Variants in NFATC2 observed in about 807,000 individuals in gnomAD.
The protein encoded by NFATC2 is nuclear factor of activated T-cells, cytoplasmic 2.
A neutral mutation model predicts 87.3 loss-of-function variants in NFATC2; 22 were observed. The ratio of observed to expected loss-of-function variants is 0.25; its 90% CI spans 0.18 to 0.36. The LOEUF (loss-of-function observed/expected upper bound fraction) is 0.36, where lower values mean the gene tolerates loss of function less well. Ranked by LOEUF, NFATC2 falls within the 10% of genes least tolerant of loss-of-function variation. NFATC2 has a pLI of 1.00. For missense variants in NFATC2, 1,149 were observed against 1,259.1 expected (o/e 0.91, Z 1.32); for synonymous variants, 565 against 542.2 (o/e 1.04, Z -0.58).
upstream of NFATC2, chr20:51,562,676 T>G: frequency 6.6e-7 from 1 of 1,522,476 alleles, no homozygotes; most frequent in Non-Finnish European, 8.9e-7. This position sits in a 1 kb window ranked among gnomAD's most constrained non-coding sequence, Gnocchi z 5.8. Flanking sequence ...GGGGATCTGT[T>G]TGTATCGACC....
chr20:51,424,134 C>T (rs193078108), intron 9 of NFATC2, among the ~76,000 whole-genome samples: 1 of 152,332 alleles, frequency 6.6e-6, no homozygotes, highest in Admixed American at 6.5e-5. Context: ...GGACAGAGAA[C>T]GGCTACCAGC....
At chr20:51,488,310 A>G (rs772069877) in intron 3 of NFATC2, among the ~76,000 whole-genome samples, 11 of 152,202 alleles carry the variant, frequency 7.2e-5, no homozygotes, top group Non-Finnish European at 1.5e-4. Context: ...AGAATTTAAG[A>G]CATTGGAGTA....
upstream of NFATC2, chr20:51,542,851 C>T: frequency 2.1e-6 from 1 of 470,714 alleles, no homozygotes; most frequent in Non-Finnish European, 2.8e-6. Flanking sequence ...CCTGGGCTGG[C>T]CGGTGCCGGG....
intron 9 of NFATC2, among the ~76,000 whole-genome samples, chr20:51,401,720 C>G (rs1988066730): frequency 6.6e-6 from 1 of 151,982 alleles, no homozygotes; most frequent in Non-Finnish European, 1.5e-5. Flanking sequence ...AGTGGCCTTG[C>G]ATTTTTACCC....
At chr20:51,443,130 C>T (rs996454469) in intron 6 of NFATC2, among the ~76,000 whole-genome samples, 1 of 151,538 alleles carries the variant, frequency 6.6e-6, no homozygotes, top group Admixed American at 6.6e-5. Context: ...TCTTCTGTGA[C>T]CATCCCCTTC....
chr20:51,540,663 T>TTTTTTTTTTTTTTTTTTTTTG (rs1555818354), intron 1 of NFATC2, among the ~76,000 whole-genome samples: 2 of 135,690 alleles, frequency 1.5e-5, no homozygotes, highest in African/African-American at 5.7e-5. Context: ...TTTTTGTTTT[T>TTTTTTTTTTTTTTTTTTTTTG]TTTTTTTTGA....
upstream of NFATC2, chr20:51,562,719 G>C: frequency 7.6e-7 from 1 of 1,321,482 alleles, no homozygotes; most frequent in Non-Finnish European, 1.1e-6. The surrounding 1 kb of genome is among the most constrained non-coding windows in gnomAD (Gnocchi z 5.8). Flanking sequence ...TCTCTACCGC[G>C]TGCCCGCGGG....
chr20:51,456,954 A>G (rs1325569570), intron 5 of NFATC2, among the ~76,000 whole-genome samples: 1 of 152,112 alleles, frequency 6.6e-6, no homozygotes, highest in Non-Finnish European at 1.5e-5. Flanking sequence ...CAGTGACTCA[A>G]ACCAATCCCC....
intron 6 of NFATC2, among the ~76,000 whole-genome samples, chr20:51,438,443 GAAAAAA>G (rs11474098): frequency 2.2e-5 from 3 of 139,006 alleles, no homozygotes; most frequent in Non-Finnish European, 4.6e-5. Context: ...AGCTTGCTTT[GAAAAAA>G]AAAAAAAAAA....
chr20:51,516,465 T>C (rs1353974545), intron 3 of NFATC2, among the ~76,000 whole-genome samples: 1 of 152,228 alleles, frequency 6.6e-6, no homozygotes, highest in Non-Finnish European at 1.5e-5. Context: ...CTTAAGGTGA[T>C]GGTTTCAGAA....
At chr20:51,552,293 C>A (rs1227439052) in intron 1 of NFATC2, among the ~76,000 whole-genome samples, 2 of 151,982 alleles carry the variant, frequency 1.3e-5, no homozygotes, top group African/African-American at 4.8e-5. Context: ...ATATACATTT[C>A]ATATATGTAT....
Position 51,523,771 on chromosome 20 carries a change from C to G in NFATC2, c.470G>C (p.Gly157Ala), listed in dbSNP as rs779919874. ...AAGCGGCTCGCGGTAGCCCTCGAAG[C>G]CGGGCACGGGCAGGGTGAACCTCGG... The part of the protein sequence containing the change: ...ASPRFTLPVP[G>A]FEGYREPLCL... Residue 157 changes from glycine to alanine, a missense_variant, in exon 2 of 11, where the codon GGC becomes GCC. Gly to Ala is a moderately conservative substitution (Grantham distance 60). Coordinates refer to ENST00000371564, the MANE Select transcript of NFATC2 (RefSeq NM_012340.5). The surrounding 1 kb of genome is among the most constrained non-coding windows in gnomAD (Gnocchi z 6.9). The G allele has an allele frequency of 9.9e-6, 16 of 1,609,602 alleles. No individual in the cohort carries two copies. The South Asian group carries it at 1.7e-4, about 17-fold the overall frequency.
In NFATC2 at chr20:51,432,882, C is replaced by A. The variant is rs1982984784; in HGVS notation, c.2033-126G>T. On this transcript the variant is annotated intron_variant, in intron 8 of 10. Transcript: ENST00000371564. The surrounding 1 kb of genome is among the most constrained non-coding windows in gnomAD (Gnocchi z 4.6). ...CATACGGGTGGGACAAACAGCTGGT[C>A]CCTGTCACTTATCAGCCTTGGGCAA... is the stretch of plus-strand genomic sequence containing the variant. The A allele has an allele frequency of 9.1e-6, 7 of 770,100 alleles. No individual in the cohort carries two copies. The South Asian group carries it at 1.1e-4, about 13-fold the overall frequency. 47.7% of individuals were successfully genotyped at this position (770,100 alleles called of 1,614,324 possible).
intron 10 of NFATC2, 52 bp downstream of exon 10, chr20:51,398,586 CAAGTT>C: frequency 7.8e-7 from 1 of 1,275,142 alleles, no homozygotes; most frequent in Non-Finnish European, 1.1e-6. Flanking sequence ...AAAAAAAATT[CAAGTT>C]AAGGAAACAC....
rs555452966 is a variant in NFATC2, at chr20:51,560,401, T to G, written c.70+2159A>C. On this transcript the variant is annotated intron_variant, in intron 1 of 10. Coordinates refer to the NFATC2 transcript ENST00000414705. The stretch of plus-strand genomic sequence containing the variant: ...TGGGTTTGTTTATTGCTGAAATACT[T>G]TCCATCATCTCACTCAGATAAAACT... Among the ~76,000 whole-genome samples, 242 of 65,766 alleles carry G rather than the reference T, an allele frequency of 3.7e-3. 2 individuals carry two copies. The highest frequency in any genetic ancestry group is 9.2e-3 in the African/African-American group (226 of 24,484). The allele number at this position is 65,766 out of a possible 152,430, so 43.1% of individuals were successfully genotyped here. A position where few individuals can be genotyped will look rare whatever the true frequency, so the allele number is the denominator to read the frequency against.
At chr20:51,413,082 C>A (rs1979520166) in intron 9 of NFATC2, among the ~76,000 whole-genome samples, 1 of 150,876 alleles carries the variant, frequency 6.6e-6, no homozygotes, top group South Asian at 2.1e-4. Context: ...ACAATCCTTT[C>A]CATGGCACTC....
intron 6 of NFATC2, among the ~76,000 whole-genome samples, chr20:51,451,789 TAGG>T (rs1257866941): frequency 1.3e-5 from 2 of 152,162 alleles, no homozygotes; most frequent in Admixed American, 1.3e-4. Flanking sequence ...GTGCACGCCT[TAGG>T]AGAGTCTAAT....
chr20:51,527,375 C>G (rs2076561776), intron 1 of NFATC2, among the ~76,000 whole-genome samples: 2 of 152,150 alleles, frequency 1.3e-5, no homozygotes, highest in South Asian at 4.1e-4. Flanking sequence ...TAGAAGGACC[C>G]CTGACCACTT....
rs748236161 is a variant in NFATC2 at position 51,523,532 on chromosome 20, G to A, written c.709C>T (p.Pro237Ser). 74 of 1,613,514 alleles carry A rather than the reference G, an allele frequency of 4.6e-5. No homozygotes were observed. The East Asian group carries it at 9.6e-4, about 21-fold the overall frequency. ...AEDSCLGRHS[P>S]VPRPASRSSS... ...GAGCGGGAGGCCGGACGGGGCACGG[G>A]CGAGTGGCGGCCCAGGCAGCTGTCC... Residue 237 changes from proline to serine, a missense_variant, in exon 2 of 11, where the codon CCC (proline) becomes TCC (serine). Physicochemically the swap from Pro to Ser is moderately conservative, Grantham distance 74 (BLOSUM62 -1). Transcript: ENST00000371564. This position sits in a 1 kb window ranked among gnomAD's most constrained non-coding sequence, Gnocchi z 6.9.
Sources: allele counts gnomAD v4.1 joint callset (sites outside exome capture counted in the v4.1 genomes callset), GRCh38; gene constraint gnomAD v4.1.1; non-coding constraint Gnocchi (gnomAD v3.1); transcripts MANE v1.5; gene names NCBI Gene and HGNC (gene_info 2026-07-23, HGNC 2026-07-21).